ANXA8: variants seen among roughly 807,000 people sequenced by gnomAD.
ANXA8 encodes the protein annexin A8, also known as VAC-beta.
In ANXA8, 9 loss-of-function variants were observed where a neutral mutation model predicts 26.8. The observed-to-expected ratio is 0.34, with a 90% CI of 0.20 to 0.59. The LOEUF (loss-of-function observed/expected upper bound fraction) is 0.59, where lower values mean the gene tolerates loss of function less well. Ranked by LOEUF, ANXA8 falls within the 20% of genes least tolerant of loss-of-function variation. ANXA8 has a pLI of 0.84. For synonymous variants in ANXA8, 39 were observed against 94.8 expected (o/e 0.41, Z 3.42); for missense variants, 83 against 238.5 (o/e 0.35, Z 4.29).
At chr10:47,576,552 C>T in the ANXA8 span, among the ~76,000 whole-genome samples, 1 of 150,628 alleles carries the variant, frequency 6.6e-6, no homozygotes, top group Non-Finnish European at 1.5e-5. Context: ...CAGCCTCTAC[C>T]TCCTAGGCTC....
chr10:47,666,104 T>C, the ANXA8 span, among the ~76,000 whole-genome samples: 698 of 149,934 alleles, frequency 4.7e-3, 12 homozygotes, highest in African/African-American at 0.016. Context: ...AGAAATAACT[T>C]TCACTAATTC....
At chr10:47,660,248 T>C in the ANXA8 span, among the ~76,000 whole-genome samples, 10 of 147,686 alleles carry the variant, frequency 6.8e-5, 1 homozygote, top group African/African-American at 2.3e-4. Flanking sequence ...TTCATATAAT[T>C]CATGGCTTTT....
At chr10:47,676,669 T>G in the ANXA8 span, among the ~76,000 whole-genome samples, 1 of 151,672 alleles carries the variant, frequency 6.6e-6, no homozygotes, top group African/African-American at 2.4e-5. Flanking sequence ...CTCACACCTG[T>G]AATCTCAGAA....
At chr10:47,743,297 CATAT>C in the ANXA8 span, among the ~76,000 whole-genome samples, 199 of 57,052 alleles carry the variant, frequency 3.5e-3, 6 homozygotes, top group East Asian at 6.8e-3. Context: ...TATATATACA[CATAT>C]ATATATATAT....
At chr10:47,733,639 T>C in the ANXA8 span, among the ~76,000 whole-genome samples, 7 of 142,654 alleles carry the variant, frequency 4.9e-5, no homozygotes, top group East Asian at 1.4e-3. Flanking sequence ...ATTTGTATCC[T>C]GATGGGTTTC....
the ANXA8 span, among the ~76,000 whole-genome samples, chr10:47,979,477 AC>A: frequency 6.6e-6 from 1 of 151,590 alleles, no homozygotes; most frequent in East Asian, 1.9e-4. Context: ...ACATTACATG[AC>A]AAAAGGGGCT....
At chr10:47,929,872 C>T in the ANXA8 span, among the ~76,000 whole-genome samples, 2 of 151,808 alleles carry the variant, frequency 1.3e-5, no homozygotes, top group African/African-American at 2.4e-5. Flanking sequence ...TTTCTGGCCT[C>T]ATTCAGCCAG....
At chr10:47,597,567 T>G in the ANXA8 span, among the ~76,000 whole-genome samples, 1 of 138,702 alleles carries the variant, frequency 7.2e-6, no homozygotes, top group East Asian at 2.0e-4. Flanking sequence ...AGTTTTAAGA[T>G]AAGAAATCAA....
chr10:47,762,176 G>A, the ANXA8 span, among the ~76,000 whole-genome samples: 2 of 151,256 alleles, frequency 1.3e-5, no homozygotes. Flanking sequence ...CCTCTATCAA[G>A]GTGAGCACGC....
the ANXA8 span, among the ~76,000 whole-genome samples, chr10:47,625,067 G>A: frequency 4.9e-5 from 2 of 40,556 alleles, 1 homozygote; most frequent in African/African-American, 5.4e-4. Context: ...TTTGCAGAAG[G>A]AATGAATGCC....
the ANXA8 span, among the ~76,000 whole-genome samples, chr10:47,611,739 T>C: frequency 2.2e-4 from 16 of 72,712 alleles, no homozygotes; most frequent in African/African-American, 6.4e-4. Context: ...AAATTTATGG[T>C]GGTGGCTTAT....
the ANXA8 span, among the ~76,000 whole-genome samples, chr10:47,606,581 A>G: frequency 6.7e-6 from 1 of 148,714 alleles, no homozygotes; most frequent in Admixed American, 6.6e-5. Flanking sequence ...GTTAGAGACC[A>G]TTATCCTTAG....
At chr10:47,915,001 G>A in the ANXA8 span, among the ~76,000 whole-genome samples, 1 of 152,278 alleles carries the variant, frequency 6.6e-6, no homozygotes, top group Non-Finnish European at 1.5e-5. Context: ...ATAAGTACTG[G>A]AAAATAAACT....
the ANXA8 span, among the ~76,000 whole-genome samples, chr10:47,609,299 G>A: frequency 3.4e-5 from 5 of 147,202 alleles, no homozygotes; most frequent in Admixed American, 3.3e-4. Flanking sequence ...AGCAGAATTA[G>A]CCACAATATT....
chr10:47,503,776 A>G, the ANXA8 span, among the ~76,000 whole-genome samples: 3 of 101,966 alleles, frequency 2.9e-5, no homozygotes, highest in South Asian at 3.0e-4. Flanking sequence ...AAAAAAAAAG[A>G]AAAAAAAATT....
chr10:47,525,638 GATTATT>G, the ANXA8 span, among the ~76,000 whole-genome samples: 2 of 134,264 alleles, frequency 1.5e-5, no homozygotes, highest in Admixed American at 7.7e-5. Flanking sequence ...TGACATTGTA[GATTATT>G]ATTATTATTA....
At chr10:47,585,590 G>A in the ANXA8 span, among the ~76,000 whole-genome samples, 1 of 146,408 alleles carries the variant, frequency 6.8e-6, no homozygotes, top group African/African-American at 2.7e-5. Flanking sequence ...AGGGGCTGGG[G>A]GTGGGAGAAG....
At chr10:47,755,616 T>A in the ANXA8 span, among the ~76,000 whole-genome samples, 2 of 124,540 alleles carry the variant, frequency 1.6e-5, no homozygotes, top group Admixed American at 2.0e-4. Context: ...GTTCAAGAGA[T>A]CCTCCCACCT....
the ANXA8 span, among the ~76,000 whole-genome samples, chr10:47,526,691 T>C: frequency 7.4e-6 from 1 of 135,742 alleles, no homozygotes; most frequent in Non-Finnish European, 1.6e-5. Context: ...AGGTGAAAAG[T>C]CTCTGTCAGA....
Sources: allele counts gnomAD v4.1 joint callset (sites outside exome capture counted in the v4.1 genomes callset), GRCh38; gene constraint gnomAD v4.1.1; transcripts MANE v1.5; gene names NCBI Gene and HGNC (gene_info 2026-07-23, HGNC 2026-07-21).